The following ZNF800 variants were observed in gnomAD, a reference collection of about 807,000 sequenced individuals.
ZNF800 encodes the protein zinc finger protein 800.
In ZNF800, 13 loss-of-function variants were observed where a neutral mutation model predicts 59.5. The ratio of observed to expected loss-of-function variants is 0.22; its 90% CI spans 0.14 to 0.35. The LOEUF (loss-of-function observed/expected upper bound fraction) is 0.35. Ranked by LOEUF, ZNF800 falls within the 10% of genes least tolerant of loss-of-function variation. The pLI, the probability that ZNF800 is intolerant of heterozygous loss-of-function variation, is 1.00. For missense variants in ZNF800, 621 were observed against 783.7 expected (o/e 0.79, Z 2.48); for synonymous variants, 266 against 265.7 (o/e 1.00, Z -0.01).
At chr7:127,390,276 A>AT (rs1801269459) in intron 2 of ZNF800, among the ~76,000 whole-genome samples, 2 of 152,230 alleles carry the variant, frequency 1.3e-5, no homozygotes, top group Non-Finnish European at 2.9e-5. Context: ...TCAGTAAAAC[A>AT]TAAGTGATAT....
At chr7:127,391,414 A>T in intron 2 of ZNF800, 83 bp downstream of exon 2, 1 of 1,308,380 alleles carries the variant, frequency 7.6e-7, no homozygotes, top group Non-Finnish European at 1.1e-6. Context: ...CTACTGGGGC[A>T]GGAGGAAAAA....
At position 127,374,891 on chromosome 7, in the gene ZNF800, T is replaced by C; in HGVS notation, c.445A>G (p.Arg149Gly). 1 of 1,614,004 alleles carries C rather than the reference T, an allele frequency of 6.2e-7. No homozygotes were observed. The highest frequency in any genetic ancestry group is 1.1e-5 in the South Asian group (1 of 91,076). Reference protein sequence around the residue: ...NQNAVFQYISRTDNPIEVTES... With the variant: ...NQNAVFQYISGTDNPIEVTES... The stretch of plus-strand genomic sequence containing the variant: ...GTGACTTCAATAGGATTATCAGTCC[T>C]CGAAATATATTGAAATACTGCATTT... The change falls in exon 5 of 6, where the codon AGG (arginine) becomes GGG (glycine). Residue 149 changes from arginine to glycine, a missense_variant. Coordinates refer to ENST00000265827, the MANE Select transcript of ZNF800 (RefSeq NM_176814.5).
intron 1 of ZNF800, among the ~76,000 whole-genome samples, chr7:127,348,468 C>A (rs1395913329): frequency 6.9e-6 from 1 of 145,632 alleles, no homozygotes; most frequent in African/African-American, 2.5e-5. Context: ...CTACACCCAA[C>A]AATAAGGTAT....
intron 2 of ZNF800, among the ~76,000 whole-genome samples, chr7:127,390,636 A>G (rs1296125338): frequency 1.3e-5 from 2 of 152,336 alleles, no homozygotes; most frequent in South Asian, 2.1e-4. Context: ...TAAAAATCTA[A>G]TAACTTTTAG....
chr7:127,384,227 C>CTTCTTTTTTTTTTTTTTTTTTTTTTT (rs1801063805), intron 3 of ZNF800, among the ~76,000 whole-genome samples: 1 of 63,392 alleles, frequency 1.6e-5, no homozygotes, highest in Non-Finnish European at 2.8e-5. Context: ...ATTCTAACTT[C>CTTCTTTTTTTTTTTTTTTTTTTTTTT]TTTTTTTTTT....
At chr7:127,372,982 CA>C in intron 5 of ZNF800, 1 of 985,180 alleles carries the variant, frequency 1.0e-6, no homozygotes, top group Non-Finnish European at 1.2e-6. Context: ...GTCACTGAAT[CA>C]AATTAAACCT....
At position 127,374,009 on chromosome 7, in the gene ZNF800, T is replaced by G; in HGVS notation, c.1327A>C (p.Thr443Pro). The change falls in exon 5 of 6, where the codon ACA (threonine) becomes CCA (proline). Residue 443 changes from threonine (T) to proline (P), a missense_variant. Coordinates refer to ENST00000265827, the MANE Select transcript of ZNF800 (RefSeq NM_176814.5). ...ACTTTATTTTTCTGTGCTGCCGGTG[T>G]GTTCTTTTTTTCATTTGAATGATTT... ...GTNHSNEKKN[T>P]PAAQKNKVKQ... 1 of 1,613,976 alleles carries G rather than the reference T, an allele frequency of 6.2e-7. No homozygotes were observed. The highest frequency in any genetic ancestry group is 8.5e-7 in the Non-Finnish European group (1 of 1,179,984).
At chr7:127,354,217 A>G (rs1158434439) in intron 1 of ZNF800, among the ~76,000 whole-genome samples, 4 of 152,148 alleles carry the variant, frequency 2.6e-5, no homozygotes, top group Admixed American at 6.6e-5. Flanking sequence ...GCTATTTATA[A>G]ATTTCCCTTA....
intron 5 of ZNF800, chr7:127,372,694 A>T: frequency 1.0e-6 from 1 of 985,148 alleles, no homozygotes; most frequent in Non-Finnish European, 1.2e-6. Context: ...TAACTAACAC[A>T]CACTCCCAAG....
chr7:127,364,993 C>T (rs540517623), intron 1 of ZNF800, among the ~76,000 whole-genome samples: 4 of 152,162 alleles, frequency 2.6e-5, no homozygotes, highest in African/African-American at 9.6e-5. Flanking sequence ...AATCAATCAA[C>T]AATTGTGGGC....
chr7:127,389,180 G>A (rs1171220536), intron 2 of ZNF800, among the ~76,000 whole-genome samples: 1 of 152,174 alleles, frequency 6.6e-6, no homozygotes, highest in African/African-American at 2.4e-5. Context: ...AAGGTAGAGA[G>A]GGGAATTGGG....
rs1487508112 is a variant in ZNF800, at chr7:127,374,812, G to A, written c.524C>T (p.Thr175Ile). The change falls in exon 5 of 6, where the codon ACT becomes ATT. Residue 175 changes from threonine (T) to isoleucine (I), a missense_variant. By Grantham distance (89) the Thr-to-Ile change is moderately conservative. Around this residue, in one of 7 missense-constraint regions of ZNF800, gnomAD observed 218 missense variants for 230.8 expected, o/e 0.94. Coordinates refer to ENST00000265827, the MANE Select transcript of ZNF800 (RefSeq NM_176814.5). ...QTEVQIQETS[T>I]EQSKTVPVTD... Reference sequence around the variant, plus strand: ...AACCGGTACTGTTTTTGACTGTTCAGTGCTAGTTTCCTGTATCTGAACTTC... The same window carrying A: ...AACCGGTACTGTTTTTGACTGTTCAATGCTAGTTTCCTGTATCTGAACTTC... 5 of 1,613,462 alleles carry A rather than the reference G, an allele frequency of 3.1e-6. No homozygotes were observed. Among genetic ancestry groups the A allele is most frequent in the Non-Finnish European group, 4.2e-6 (5 of 1,179,746 alleles).
chr7:127,365,670 T>C (rs1459901635), downstream of ZNF800, among the ~76,000 whole-genome samples: 1 of 152,138 alleles, frequency 6.6e-6, no homozygotes, highest in East Asian at 1.9e-4. Flanking sequence ...TCGTGAACAA[T>C]TAGCAAAAGG....
At chr7:127,372,531 T>C in intron 5 of ZNF800, 1 of 828,800 alleles carries the variant, frequency 1.2e-6, no homozygotes, top group Non-Finnish European at 1.5e-6. Flanking sequence ...ATATGAATTT[T>C]ACTTTTCTTA....
chr7:127,358,930 C>CAA (rs544138552), intron 1 of ZNF800, among the ~76,000 whole-genome samples: 1 of 151,934 alleles, frequency 6.6e-6, no homozygotes, highest in African/African-American at 2.4e-5. Context: ...CAAGCTCTGC[C>CAA]AAAAAAATTG....
chr7:127,378,994 G>GTTC (rs370699778), intron 3 of ZNF800, among the ~76,000 whole-genome samples: 2 of 152,072 alleles, frequency 1.3e-5, no homozygotes, highest in African/African-American at 4.8e-5. Context: ...ATATACTTGA[G>GTTC]TTTCTACTGG....
Position 127,374,511 on chromosome 7 carries a change from T to C in ZNF800, c.825A>G (p.Lys275=), listed in dbSNP as rs547453027. The C allele has an allele frequency of 3.1e-6, 5 of 1,614,176 alleles. No homozygotes were observed. Among genetic ancestry groups the C allele is most frequent in the South Asian group, 2.2e-5 (2 of 91,082 alleles). The change falls in exon 5 of 6, where the codon AAA becomes AAG. Residue 275 remains lysine, a synonymous_variant. Coordinates refer to ENST00000265827, the MANE Select transcript of ZNF800 (RefSeq NM_176814.5). ...GAACTAGAACATTCTTACTGCGTCC[T>C]TTAGAGGATTGGTTTGGATTCTTTC... is the stretch of plus-strand genomic sequence containing the variant. ...ETRKNPNQSS[K]GRSKNVLVPL... is the part of the protein sequence containing the mutation.
downstream of ZNF800, among the ~76,000 whole-genome samples, chr7:127,367,821 AAG>A (rs1483939917): frequency 6.6e-6 from 1 of 152,164 alleles, no homozygotes. Context: ...CAAAATTATC[AAG>A]AGAGTCCCTG....
chr7:127,379,870 CAGAG>C (rs71179575), intron 3 of ZNF800, among the ~76,000 whole-genome samples: 9,593 of 83,756 alleles, frequency 0.11, 842 homozygotes, highest in Middle Eastern at 0.27. Flanking sequence ...CACACACACA[CAGAG>C]AGAGAGAGAG....
Sources: gnomAD v4.1 joint callset for allele counts (sites outside exome capture counted in the v4.1 genomes callset) on GRCh38, gnomAD v4.1.1 for gene constraint, gnomAD v4.1.1 regional missense constraint, MANE v1.5 for transcripts, NCBI Gene and HGNC (gene_info 2026-07-23, HGNC 2026-07-21) for gene names.